Variants in RARB observed in about 807,000 individuals in gnomAD.
RARB encodes the protein retinoic acid receptor beta.
Under a neutral mutation model 51.9 loss-of-function variants are expected in RARB, and 17 were observed. The observed-to-expected ratio is 0.33, with a 90% CI of 0.22 to 0.49. The LOEUF is 0.49. RARB is among the 20% of genes least tolerant of loss of function. The pLI is 0.99. For missense variants in RARB, 369 were observed against 550.8 expected (o/e 0.67, Z 3.30); for synonymous variants, 215 against 195.4 (o/e 1.10, Z -0.84).
intron 5 of RARB, among the ~76,000 whole-genome samples, chr3:25,207,881 G>A (rs1701592740): frequency 1.3e-5 from 2 of 152,202 alleles, no homozygotes; most frequent in African/African-American, 4.8e-5. Flanking sequence ...TTGGCTCACA[G>A]TTCCAGTCCT....
At chr3:25,328,524 A>G (rs1046918664) in intron 5 of RARB, among the ~76,000 whole-genome samples, 1 of 152,228 alleles carries the variant, frequency 6.6e-6, no homozygotes, top group African/African-American at 2.4e-5. Flanking sequence ...TGTCTAAAAG[A>G]AAAAGTAAAA....
At chr3:25,106,094 T>A (rs1699493921) in intron 3 of RARB, among the ~76,000 whole-genome samples, 1 of 152,150 alleles carries the variant, frequency 6.6e-6, no homozygotes. Flanking sequence ...TGGGCACTTG[T>A]AATTCACATC....
chr3:25,509,844 C>A (rs1451141605), intron 3 of RARB, among the ~76,000 whole-genome samples: 1 of 152,154 alleles, frequency 6.6e-6, no homozygotes, highest in Admixed American at 6.5e-5. Context: ...GTCCTCCCAG[C>A]AGCTGCCTTT....
chr3:25,361,379 C>G (rs1170159259), intron 5 of RARB, among the ~76,000 whole-genome samples: 2 of 152,206 alleles, frequency 1.3e-5, no homozygotes. Flanking sequence ...AGCAATTCCT[C>G]TAACCTTTTA....
intron 5 of RARB, among the ~76,000 whole-genome samples, chr3:25,376,030 C>A (rs1706449623): frequency 6.6e-6 from 1 of 152,176 alleles, no homozygotes; most frequent in Non-Finnish European, 1.5e-5. Flanking sequence ...ACACGTAGAG[C>A]TCTTAAAACC....
At chr3:25,229,555 A>C (rs536672258) in intron 5 of RARB, among the ~76,000 whole-genome samples, 1 of 152,246 alleles carries the variant, frequency 6.6e-6, no homozygotes, top group South Asian at 2.1e-4. Context: ...TATATTGTAT[A>C]CTAGTTAAAA....
chr3:25,210,150 A>G (rs1477668919), intron 5 of RARB, among the ~76,000 whole-genome samples: 1 of 152,160 alleles, frequency 6.6e-6, no homozygotes, highest in Non-Finnish European at 1.5e-5. Context: ...ATAGAAGTAG[A>G]TACTAGCTAG....
intron 2 of RARB, among the ~76,000 whole-genome samples, chr3:24,987,744 G>A (rs1267412927): frequency 2.0e-5 from 3 of 152,138 alleles, no homozygotes; most frequent in Non-Finnish European, 4.4e-5. Flanking sequence ...TGAAAATAAG[G>A]TAATGGATTT....
At chr3:25,573,362 A>C (rs918328489) in intron 4 of RARB, among the ~76,000 whole-genome samples, 5 of 151,970 alleles carry the variant, frequency 3.3e-5, no homozygotes, top group African/African-American at 1.2e-4. Context: ...CCAGTCCTCA[A>C]CTGGGGCCCA....
chr3:25,140,390 T>C (rs1398114035), intron 4 of RARB, among the ~76,000 whole-genome samples: 1 of 151,918 alleles, frequency 6.6e-6, no homozygotes, highest in East Asian at 1.9e-4. Flanking sequence ...GTTTGAGAGG[T>C]TCAAAACTCT....
At chr3:25,386,807 G>A (rs780881886) in intron 5 of RARB, among the ~76,000 whole-genome samples, 32 of 152,108 alleles carry the variant, frequency 2.1e-4, no homozygotes, top group Admixed American at 6.5e-4. Flanking sequence ...GGGTGTCACC[G>A]CCCTTGGGCT....
chr3:24,892,442 G>A (rs1183191256), intron 2 of RARB, among the ~76,000 whole-genome samples: 1 of 152,062 alleles, frequency 6.6e-6, no homozygotes, highest in Non-Finnish European at 1.5e-5. Flanking sequence ...AACTTATGAA[G>A]GTGGCCAGAT....
intron 2 of RARB, among the ~76,000 whole-genome samples, chr3:24,977,770 G>T (rs1696550637): frequency 6.6e-6 from 1 of 152,134 alleles, no homozygotes; most frequent in African/African-American, 2.4e-5. Context: ...GATTGCCCTG[G>T]CCAGGACTTC....
intron 2 of RARB, among the ~76,000 whole-genome samples, chr3:25,498,109 A>C (rs746069190): frequency 6.6e-6 from 1 of 152,192 alleles, no homozygotes; most frequent in Non-Finnish European, 1.5e-5. Context: ...CTCTTATTTC[A>C]TGAGTACCTT....
chr3:24,883,952 A>G (rs1703225338), intron 2 of RARB, among the ~76,000 whole-genome samples: 1 of 152,124 alleles, frequency 6.6e-6, no homozygotes, highest in Non-Finnish European at 1.5e-5. Context: ...TACCAGCAAA[A>G]CCAGGTTGTT....
At chr3:24,933,139 A>C (rs1428011376) in intron 2 of RARB, among the ~76,000 whole-genome samples, 3 of 152,132 alleles carry the variant, frequency 2.0e-5, no homozygotes, top group African/African-American at 7.2e-5. Flanking sequence ...TTTCCCTGTA[A>C]TATGAATCTT....
At chr3:25,185,036 T>A (rs1700945290) in intron 5 of RARB, among the ~76,000 whole-genome samples, 1 of 152,230 alleles carries the variant, frequency 6.6e-6, no homozygotes, top group African/African-American at 2.4e-5. Flanking sequence ...GCATTCTAAC[T>A]TCCAAAATGC....
At chr3:25,446,734 C>T (rs1408120655) in intron 1 of RARB, among the ~76,000 whole-genome samples, 2 of 126,896 alleles carry the variant, frequency 1.6e-5, no homozygotes, top group Non-Finnish European at 3.1e-5. Flanking sequence ...ACCCGGGAGG[C>T]GGAGCTGGCA....
At chr3:25,436,337 G>A (rs77160024) in intron 1 of RARB, among the ~76,000 whole-genome samples, 2,175 of 152,176 alleles carry the variant, frequency 0.014, 21 homozygotes, top group Non-Finnish European at 0.02. Context: ...TTTAAATTCC[G>A]TGACCATTAC....
Sources: allele counts gnomAD v4.1 joint callset (sites outside exome capture counted in the v4.1 genomes callset), GRCh38; gene constraint gnomAD v4.1.1; transcripts MANE v1.5; gene names NCBI Gene and HGNC (gene_info 2026-07-23, HGNC 2026-07-21).